Variants in POU6F2 observed in about 807,000 individuals in gnomAD.
POU6F2 encodes POU domain, class 6, transcription factor 2.
POU6F2 carries 31 observed loss-of-function variants against 71.3 expected under a neutral mutation model. That is an observed-to-expected ratio of 0.43 (90% CI 0.33 to 0.59). The LOEUF (loss-of-function observed/expected upper bound fraction) is 0.59. Ranked by LOEUF, POU6F2 falls within the 20% of genes least tolerant of loss-of-function variation. The pLI is 0.04. For missense variants in POU6F2, 783 were observed against 856.8 expected (o/e 0.91, Z 1.07); for synonymous variants, 347 against 355.7 (o/e 0.98, Z 0.27).
intron 2 of POU6F2, among the ~76,000 whole-genome samples, chr7:39,145,956 A>T (rs1792613603): frequency 6.6e-6 from 1 of 152,234 alleles, no homozygotes; most frequent in South Asian, 2.1e-4. Context: ...CAAAGAGAAA[A>T]TGCACTCATT....
intron 2 of POU6F2, among the ~76,000 whole-genome samples, chr7:39,181,505 C>T (rs779836998): frequency 8.5e-5 from 13 of 152,196 alleles, no homozygotes; most frequent in East Asian, 1.9e-4. Context: ...AATAAAGGAA[C>T]ATTCACTTGC....
At chr7:39,073,673 C>G (rs996597584) in intron 1 of POU6F2, among the ~76,000 whole-genome samples, 1 of 152,196 alleles carries the variant, frequency 6.6e-6, no homozygotes, top group Non-Finnish European at 1.5e-5. Context: ...AGGCAGAGAA[C>G]GAGAGGAAAA....
chr7:38,993,444 G>A (rs1168983478), intron 1 of POU6F2, among the ~76,000 whole-genome samples: 2 of 152,052 alleles, frequency 1.3e-5, no homozygotes, highest in Admixed American at 1.3e-4. Context: ...ACATTATAAA[G>A]TATAAAATGG....
intron 2 of POU6F2, 120 bp from the exon 3 acceptor site, chr7:39,204,115 A>G (rs1277010469): frequency 2.4e-6 from 2 of 835,874 alleles, no homozygotes; most frequent in Non-Finnish European, 4.0e-6. Flanking sequence ...TTGATAAGTG[A>G]TTTGAGCACT....
chr7:39,070,683 C>T (rs1790860922), intron 1 of POU6F2, among the ~76,000 whole-genome samples: 1 of 152,188 alleles, frequency 6.6e-6, no homozygotes, highest in Admixed American at 6.5e-5. Context: ...TGCTCACATG[C>T]CCTTCCCCTC....
chr7:39,229,105 C>A lies in POU6F2; in HGVS notation c.598+21485C>A, dbSNP rs568725658. Reference sequence around the variant, plus strand: ...TTTCAGCACCAAGTTCCTGTTTAGTCAAGAGAGCCTTAAATGCATGCTGTT... The same window carrying A: ...TTTCAGCACCAAGTTCCTGTTTAGTAAAGAGAGCCTTAAATGCATGCTGTT... On this transcript the variant is annotated intron_variant, in intron 4 of 9. Transcript: ENST00000518318. Among the ~76,000 whole-genome samples the A allele has an allele frequency of 2.0e-5, 3 of 152,314 alleles. No individual in the cohort carries two copies. In the East Asian group the frequency reaches 5.8e-4, roughly 29 times the overall value.
At chr7:39,217,693 T>C (rs1295805767) in intron 4 of POU6F2, among the ~76,000 whole-genome samples, 1 of 152,202 alleles carries the variant, frequency 6.6e-6, no homozygotes, top group Non-Finnish European at 1.5e-5. Context: ...CATACAATAA[T>C]ACCAAATCCA....
rs947051810 is a variant in POU6F2, at chr7:39,467,425, T to C, written c.*2739T>C. The C allele has an allele frequency of 2.0e-5, 3 of 152,350 alleles. No individual in the cohort carries two copies. Among genetic ancestry groups the C allele is most frequent in the African/African-American group, 7.2e-5 (3 of 41,592 alleles). The allele number at this position is 152,350 out of a possible 1,614,324, so 9.4% of individuals were successfully genotyped here. A position where few individuals can be genotyped will look rare whatever the true frequency, so the allele number is the denominator to read the frequency against. ...CATATGCCAATGGCGTTTAAGTGTC[T>C]TTTATGTTTCCATGAACTGAAGGTT... is the stretch of plus-strand genomic sequence containing the variant. On this transcript the variant is annotated 3_prime_UTR_variant, in exon 10 of 10. Coordinates refer to ENST00000518318, the MANE Select transcript of POU6F2 (RefSeq NM_001370959.1).
chr7:39,460,712 G>A lies in POU6F2; in HGVS notation c.1655G>A (p.Cys552Tyr). Residue 552 changes from cysteine (C) to tyrosine (Y), a missense_variant, in exon 9 of 10, where the codon TGC becomes TAC. Around this residue, in one of 2 missense-constraint regions of POU6F2, gnomAD observed 211 missense variants for 283.9 expected, o/e 0.74. Transcript: ENST00000518318. This position sits in a 1 kb window ranked among gnomAD's most constrained non-coding sequence, Gnocchi z 4.4. Reference protein sequence around the residue: ...EGPAYSQSAICRHTILRSHFF... With the variant: ...EGPAYSQSAIYRHTILRSHFF... ...CCCGCGTACAGCCAGTCGGCCATCT[G>A]CAGGTAACGCGCGCCTGCATGCTGT... 6.3e-7 allele frequency: 1 copy of A among 1,594,972 alleles called. No homozygotes were observed. The highest frequency in any genetic ancestry group is 8.5e-7 in the Non-Finnish European group (1 of 1,169,950).
intron 1 of POU6F2, among the ~76,000 whole-genome samples, chr7:38,983,651 C>T (rs886573815): frequency 2.6e-5 from 4 of 151,972 alleles, no homozygotes; most frequent in Non-Finnish European, 5.9e-5. Flanking sequence ...TCTTGTTCTT[C>T]CCAGTTCCAC....
At chr7:39,006,818 T>A in intron 1 of POU6F2, 1 of 1,612,624 alleles carries the variant, frequency 6.2e-7, no homozygotes, top group Non-Finnish European at 8.5e-7. Flanking sequence ...GCTGAAAGAA[T>A]GTTCTTATAA....
chr7:39,462,901 C>T (rs748308338), intron 9 of POU6F2, among the ~76,000 whole-genome samples: 1 of 152,232 alleles, frequency 6.6e-6, no homozygotes, highest in South Asian at 2.1e-4. Context: ...AAATGTGCTG[C>T]CAAAAATAAG....
intron 4 of POU6F2, among the ~76,000 whole-genome samples, chr7:39,240,210 A>G (rs1019050495): frequency 2.0e-5 from 3 of 152,152 alleles, no homozygotes; most frequent in African/African-American, 7.2e-5. Context: ...GGCCATGTGC[A>G]AGGAAATTAC....
chr7:39,338,971 G>A (rs1785847014), intron 4 of POU6F2, among the ~76,000 whole-genome samples: 1 of 152,044 alleles, frequency 6.6e-6, no homozygotes, highest in African/African-American at 2.4e-5. Context: ...TCAGTCACCT[G>A]CTATCATCCC....
intron 1 of POU6F2, among the ~76,000 whole-genome samples, chr7:39,085,584 T>A (rs1331260653): frequency 6.6e-6 from 1 of 152,112 alleles, no homozygotes; most frequent in African/African-American, 2.4e-5. Flanking sequence ...GAAGTTTTTT[T>A]TTTTTTTTTC....
intron 1 of POU6F2, among the ~76,000 whole-genome samples, chr7:38,989,746 T>TATAC (rs554469284): frequency 2.0e-5 from 3 of 151,778 alleles, no homozygotes; most frequent in African/African-American, 7.3e-5. Flanking sequence ...TATATATATA[T>TATAC]AGAAAGAGAG....
At chr7:39,207,096 G>A (rs148944315) in intron 3 of POU6F2, among the ~76,000 whole-genome samples, 2 of 152,260 alleles carry the variant, frequency 1.3e-5, no homozygotes, top group East Asian at 3.9e-4. Context: ...AATATATGAA[G>A]ATAGGATCAA....
In POU6F2 at chr7:39,142,102, C is replaced by CA. The variant is rs563366624; in HGVS notation, c.277+56081dup. ...ACTCGGTCTAAAGAAAAACAACAACCAAAAAAAAAACAATATTGTCACACC... is the reference window on the plus strand; with the variant it reads ...ACTCGGTCTAAAGAAAAACAACAACCAAAAAAAAAAACAATATTGTCACACC... On this transcript the variant is annotated intron_variant, in intron 2 of 9. Coordinates refer to ENST00000518318, the MANE Select transcript of POU6F2 (RefSeq NM_001370959.1). Among the ~76,000 whole-genome samples the CA allele has an allele frequency of 4.6e-3, 675 of 145,464 alleles. 3 individuals carry two copies. The highest frequency in any genetic ancestry group is 7.1e-3 in the Middle Eastern group (2 of 282).
intron 4 of POU6F2, among the ~76,000 whole-genome samples, chr7:39,271,974 A>G: frequency 6.9e-6 from 1 of 145,982 alleles, no homozygotes; most frequent in Non-Finnish European, 1.5e-5. Context: ...GAGGATGAGG[A>G]GTTGGGGTGT....
Sources: allele counts gnomAD v4.1 joint callset (sites outside exome capture counted in the v4.1 genomes callset), GRCh38; gene constraint gnomAD v4.1.1; regional missense constraint gnomAD v4.1.1; non-coding constraint Gnocchi (gnomAD v3.1); transcripts MANE v1.5; gene names NCBI Gene and HGNC (gene_info 2026-07-23, HGNC 2026-07-21).